BRSK1: variants seen among roughly 807,000 people sequenced by gnomAD.
The protein encoded by BRSK1 is BR serine/threonine kinase 1, also known as serine/threonine-protein kinase BRSK1.
In BRSK1, 17 loss-of-function variants were observed where a neutral mutation model predicts 86.2. That is an observed-to-expected ratio of 0.20 (90% confidence interval 0.14 to 0.30). BRSK1 has a LOEUF of 0.30. Ranked by LOEUF, BRSK1 falls within the 10% of genes least tolerant of loss-of-function variation. The pLI is 1.00. For missense variants in BRSK1, 719 were observed against 1,071.9 expected (o/e 0.67, Z 4.60); for synonymous variants, 464 against 440.1 (o/e 1.05, Z -0.68).
In BRSK1 at chr19:55,304,802, GACA is replaced by G; in HGVS notation, c.1603_1605del (p.Thr535del). On this transcript the variant is annotated inframe_deletion, in exon 14 of 19. Coordinates refer to ENST00000309383, the MANE Select transcript of BRSK1 (RefSeq NM_032430.2). This position sits in a 1 kb window ranked among gnomAD's most constrained non-coding sequence, Gnocchi z 5.2. The stretch of plus-strand genomic sequence containing the variant: ...GGGCCAGTCCCACCGGGACCCCGGG[GACA>G]ACACCACCCCCCAGCCCCGGCGGTG... The G allele has an allele frequency of 1.9e-6, 3 of 1,573,494 alleles. No homozygotes were observed. Among genetic ancestry groups the G allele is most frequent in the Non-Finnish European group, 2.6e-6 (3 of 1,163,528 alleles).
At position 55,304,015 on chromosome 19, in the gene BRSK1, C is replaced by T. The variant is rs780317742; in HGVS notation, c.1287-35C>T. 4.5e-6 allele frequency: 7 copies of T among 1,567,978 alleles called. No individual in the cohort carries two copies. The South Asian group carries it at 8.2e-5, about 18-fold the overall frequency. ...TCTGTGGTTTTTGAAACCCTCCCATCTGATTTTTTTTTTTTAAATCTATCC... is the reference window on the plus strand; with the variant it reads ...TCTGTGGTTTTTGAAACCCTCCCATTTGATTTTTTTTTTTTAAATCTATCC... On this transcript the variant is annotated intron_variant, in intron 12 of 18. Coordinates refer to ENST00000309383, the MANE Select transcript of BRSK1 (RefSeq NM_032430.2). The surrounding 1 kb of genome is among the most constrained non-coding windows in gnomAD (Gnocchi z 5.2).
chr19:55,298,616 G>A (rs2088524764), intron 7 of BRSK1, among the ~76,000 whole-genome samples: 1 of 152,250 alleles, frequency 6.6e-6, no homozygotes, highest in South Asian at 2.1e-4. Context: ...CAGAGCAGGG[G>A]AAACCTGAGC....
intron 18 of BRSK1, among the ~76,000 whole-genome samples, 160 bp from the exon 19 acceptor site, chr19:55,311,751 A>G (rs569231775): frequency 1.3e-5 from 2 of 152,240 alleles, no homozygotes; most frequent in Admixed American, 1.3e-4. Context: ...TAACCAATTC[A>G]AGGCCAGGTG....
At chr19:55,289,748 C>T (rs1248445478) in intron 4 of BRSK1, 128 bp downstream of exon 4, 2 of 1,215,392 alleles carry the variant, frequency 1.6e-6, no homozygotes, top group Admixed American at 2.8e-5. Flanking sequence ...TGAGACATAA[C>T]TCATACACCA....
intron 7 of BRSK1, among the ~76,000 whole-genome samples, chr19:55,295,737 C>G (rs954520118): frequency 6.6e-6 from 1 of 152,058 alleles, no homozygotes; most frequent in South Asian, 2.1e-4. Flanking sequence ...GGAGGCCGAG[C>G]GGAGGCAGAT....
At position 55,289,588 on chromosome 19, in the gene BRSK1, T is replaced by A; in HGVS notation, c.426T>A (p.Ser142=). The change falls in exon 4 of 19, where the codon TCT becomes TCA. Residue 142 remains serine, a synonymous_variant. Transcript: ENST00000309383. ...EARKFFRQIV[S]ALDFCHSYSI... Reference sequence around the variant, plus strand: ...GAAAGTTCTTCCGCCAGATTGTGTCTGCGCTGGACTTCTGCCACAGCTACT... The same window carrying A: ...GAAAGTTCTTCCGCCAGATTGTGTCAGCGCTGGACTTCTGCCACAGCTACT... 2 of 1,614,134 alleles carry A rather than the reference T, an allele frequency of 1.2e-6. No individual in the cohort carries two copies. The highest frequency in any genetic ancestry group is 1.7e-6 in the Non-Finnish European group (2 of 1,180,002).
intron 7 of BRSK1, among the ~76,000 whole-genome samples, chr19:55,297,848 CTT>C (rs2088511041): frequency 6.6e-6 from 1 of 152,154 alleles, no homozygotes; most frequent in Admixed American, 6.5e-5. Context: ...GAGTTTCGCT[CTT>C]GTCGCCCAGG....
At chr19:55,286,761 G>A (rs1260416388) in intron 1 of BRSK1, among the ~76,000 whole-genome samples, 2 of 151,828 alleles carry the variant, frequency 1.3e-5, no homozygotes, top group Non-Finnish European at 2.9e-5. Context: ...GGGGGTGGCT[G>A]GCAGAGGAGA....
chr19:55,291,813 C>T (rs2088410767), intron 4 of BRSK1, among the ~76,000 whole-genome samples: 1 of 152,196 alleles, frequency 6.6e-6, no homozygotes, highest in South Asian at 2.1e-4. Flanking sequence ...TCCTGGAGTG[C>T]AATGGCACGA....
Position 55,302,216 on chromosome 19 carries a change from A to C in BRSK1, c.857+48A>C. 6.3e-7 allele frequency: 1 copy of C among 1,580,862 alleles called. No homozygotes were observed. The highest frequency in any genetic ancestry group is 8.7e-7 in the Non-Finnish European group (1 of 1,154,106). ...CTTGGGTCCCTGGCGGAAATAGGGG[A>C]GGGGCCAAAGCAGTAGAAGCGGCTG... On this transcript the variant is annotated intron_variant, in intron 9 of 18. Transcript: ENST00000309383. The surrounding 1 kb of genome is among the most constrained non-coding windows in gnomAD (Gnocchi z 6.3).
chr19:55,284,491 CT>C lies in BRSK1; in HGVS notation c.50del (p.Leu17ProfsTer49). The C allele has an allele frequency of 8.8e-7, 1 of 1,138,094 alleles. No individual in the cohort carries two copies. Among genetic ancestry groups the C allele is most frequent in the Non-Finnish European group, 1.2e-6 (1 of 849,158 alleles). 70.5% of individuals were successfully genotyped at this position (1,138,094 alleles called of 1,614,324 possible). On this transcript the variant is annotated frameshift_variant, in exon 1 of 19. Transcript: ENST00000309383. LOFTEE classifies it high-confidence loss of function. ...EGGGGSPAYHLPHPHPHPPQH... is the reference protein window; with the variant it reads ...EGGGGSPAYHXPHPHPHPPQH... ...AGGTGGGGGCTCTCCCGCCTACCAC[CT>C]CCCCCACCCCCACCCCCACCCACCC...
intron 4 of BRSK1, 136 bp downstream of exon 4, chr19:55,289,756 C>G (rs894586338): frequency 1.8e-6 from 2 of 1,121,306 alleles, no homozygotes; most frequent in African/African-American, 3.2e-5. Flanking sequence ...AACTCATACA[C>G]CAGAAAATTC....
At position 55,311,933 on chromosome 19, in the gene BRSK1, C is replaced by G. The variant is rs1190003160; in HGVS notation, c.2202C>G (p.Thr734=). 6.2e-7 allele frequency: 1 copy of G among 1,611,572 alleles called. No homozygotes were observed. Among genetic ancestry groups the G allele is most frequent in the South Asian group, 1.1e-5 (1 of 90,932 alleles). The part of the protein sequence containing the change: ...ALADEKNGAQ[T]RPAGAPPRSL... Reference sequence around the variant, plus strand: ...CAGACGAGAAGAACGGGGCCCAGACCCGGCCTGCTGGTGCCCCACCCCGAA... The same window carrying G: ...CAGACGAGAAGAACGGGGCCCAGACGCGGCCTGCTGGTGCCCCACCCCGAA... The change falls in exon 19 of 19, where the codon ACC becomes ACG. Residue 734 remains threonine (T), a synonymous_variant. Transcript: ENST00000309383.
Position 55,286,948 on chromosome 19 carries a change from G to A in BRSK1, c.137-59G>A, listed in dbSNP as rs1445850296. The A allele has an allele frequency of 1.2e-4, 191 of 1,542,418 alleles. 2 individuals carry two copies. The highest frequency in any genetic ancestry group is 8.6e-4 in the South Asian group (77 of 89,548). ...AACAGGGTGGCCAAGGGGGGACATA[G>A]GCGCTGGGGACGAAGGGGACCCGGC... On this transcript the variant is annotated intron_variant, in intron 1 of 18. Transcript: ENST00000309383.
chr19:55,311,046 C>T (rs772030830), intron 18 of BRSK1, among the ~76,000 whole-genome samples: 3 of 152,140 alleles, frequency 2.0e-5, no homozygotes, highest in Non-Finnish European at 4.4e-5. Context: ...CTGCAACTTC[C>T]ACCTCCCGGG....
Position 55,310,301 on chromosome 19 carries a change from C to A in BRSK1, c.2179+1573C>A, listed in dbSNP as rs915198149. ...TTCCTTGTGTGTTCCAGTTCCTAGG[C>A]GCTCTGGTTAAGGCCCGTTCCTCCA... On this transcript the variant is annotated intron_variant, in intron 18 of 18. Coordinates refer to ENST00000309383, the MANE Select transcript of BRSK1 (RefSeq NM_032430.2). The surrounding 1 kb of genome is among the most constrained non-coding windows in gnomAD (Gnocchi z 5.0). Among the ~76,000 whole-genome samples the A allele has an allele frequency of 6.6e-6, 1 of 152,140 alleles. No individual in the cohort carries two copies. Among genetic ancestry groups the A allele is most frequent in the Non-Finnish European group, 1.5e-5 (1 of 68,018 alleles).
intron 17 of BRSK1, among the ~76,000 whole-genome samples, chr19:55,307,872 T>C (rs940089318): frequency 1.3e-5 from 2 of 149,162 alleles, no homozygotes; most frequent in Non-Finnish European, 3.0e-5. Context: ...GAGGATCACC[T>C]GATTCCAGGA....
chr19:55,289,680 G>C, intron 4 of BRSK1, 60 bp downstream of exon 4: 1 of 1,586,694 alleles, frequency 6.3e-7, no homozygotes, highest in South Asian at 1.1e-5. Flanking sequence ...CAGGCCCTTG[G>C]GGGCATGTGG....
chr19:55,297,310 G>T (rs868255545), intron 7 of BRSK1, among the ~76,000 whole-genome samples: 6 of 151,634 alleles, frequency 4.0e-5, no homozygotes, highest in African/African-American at 1.5e-4. Context: ...CTTGACCTCC[G>T]CCCGCCTCTT....
Sources: allele counts gnomAD v4.1 joint callset (sites outside exome capture counted in the v4.1 genomes callset), GRCh38; gene constraint gnomAD v4.1.1; non-coding constraint Gnocchi (gnomAD v3.1); transcripts MANE v1.5; gene names NCBI Gene and HGNC (gene_info 2026-07-23, HGNC 2026-07-21).